Variants in TMEM255A observed in about 807,000 individuals in gnomAD.
TMEM255A encodes family with sequence similarity 70, member A.
A neutral mutation model predicts 23.5 loss-of-function variants in TMEM255A; 14 were observed. That is an observed-to-expected ratio of 0.60 (90% CI 0.39 to 0.93). The LOEUF is 0.93. TMEM255A is among the 40% of genes least tolerant of loss of function. The pLI, the probability that TMEM255A is intolerant of heterozygous loss-of-function variation, is 0.00. For missense variants in TMEM255A, 233 were observed against 261.7 expected (o/e 0.89, Z 0.76); for synonymous variants, 104 against 100.3 (o/e 1.04, Z -0.22).
At chrX:120,294,441 A>AG (rs2057940843) in intron 2 of TMEM255A, among the ~76,000 whole-genome samples, 1 of 111,074 alleles carries the variant, frequency 9.0e-6, no homozygotes, top group South Asian at 3.8e-4. Context: ...CTCAAAAAAA[A>AG]AAAAAAAAAG....
chrX:120,273,758 A>T (rs782011100), intron 7 of TMEM255A, among the ~76,000 whole-genome samples: 10 of 112,183 alleles, frequency 8.9e-5, no homozygotes, highest in African/African-American at 1.3e-4. Flanking sequence ...ATTTTTTTTG[A>T]GAAAGTGTTG....
intron 6 of TMEM255A, among the ~76,000 whole-genome samples, chrX:120,280,183 G>A (rs1214971096): frequency 9.4e-6 from 1 of 106,514 alleles, no homozygotes; most frequent in African/African-American, 3.4e-5. Flanking sequence ...TTGTAGAGAT[G>A]CGGTTCTGAC....
chrX:120,270,436 G>C (rs1412488149), intron 7 of TMEM255A, among the ~76,000 whole-genome samples: 1 of 109,067 alleles, frequency 9.2e-6, no homozygotes, highest in Non-Finnish European at 1.9e-5. Context: ...ACAGCAAATG[G>C]TGAAAGCAAT....
Position 120,276,972 on chromosome X carries a change from G to A in TMEM255A, c.588C>T (p.His196=). The change falls in exon 7 of 9, where the codon CAC becomes CAT. Residue 196 remains histidine (H), a synonymous_variant. Transcript: ENST00000371369. ...SSCQDIIHLY[H]LLWSATILNI... The stretch of plus-strand genomic sequence containing the variant: ...TGAGGATGGTGGCAGACCAGAGCAG[G>A]TGGTAGAGGTGGATGATATCTTGGC... The A allele has an allele frequency of 8.3e-7, 1 of 1,210,426 alleles. No homozygotes were observed. Among genetic ancestry groups the A allele is most frequent in the African/African-American group, 1.7e-5 (1 of 57,751 alleles).
chrX:120,282,037 C>T (rs1556021005), intron 6 of TMEM255A, among the ~76,000 whole-genome samples: 1 of 111,473 alleles, frequency 9.0e-6, no homozygotes, highest in African/African-American at 3.3e-5. Flanking sequence ...GCCTCCTTTC[C>T]AGGAAATGGA....
chrX:120,272,501 G>A (rs1556018975), intron 7 of TMEM255A, among the ~76,000 whole-genome samples: 2 of 111,209 alleles, frequency 1.8e-5, no homozygotes, highest in Non-Finnish European at 1.9e-5. Flanking sequence ...TGATTGAATC[G>A]TGGGGGTGGT....
At chrX:120,296,928 TTA>T (rs55858482) in intron 2 of TMEM255A, among the ~76,000 whole-genome samples, 1,323 of 2,203 alleles carry the variant, frequency 0.6, 477 homozygotes, top group Non-Finnish European at 0.68. Flanking sequence ...ATATATAATA[TTA>T]TATATATAAT....
intron 7 of TMEM255A, among the ~76,000 whole-genome samples, chrX:120,272,542 A>T (rs932068739): frequency 9.1e-6 from 1 of 110,241 alleles, no homozygotes; most frequent in East Asian, 2.9e-4. Context: ...ATGATAGTGA[A>T]TGAGTTCTCA....
intron 6 of TMEM255A, among the ~76,000 whole-genome samples, chrX:120,284,682 G>T (rs2057861244): frequency 9.0e-6 from 1 of 110,943 alleles, no homozygotes; most frequent in East Asian, 2.8e-4. Context: ...CTCCACAGGG[G>T]AAAGGACTTC....
rs782371521 is a variant in TMEM255A, at chrX:120,291,780, C to A, written c.265-440G>T. 9.2e-5 allele frequency among the ~76,000 whole-genome samples: 10 copies of A among 108,239 alleles called. No homozygotes were observed. In the East Asian group the frequency reaches 2.9e-3, roughly 31 times the overall value. 94.0% of individuals were successfully genotyped at this position (108,239 alleles called of 115,157 possible). A position where few individuals can be genotyped will look rare whatever the true frequency, so the allele number is the denominator to read the frequency against. On this transcript the variant is annotated intron_variant, in intron 3 of 8. Coordinates refer to ENST00000371369, the MANE Select transcript of TMEM255A (RefSeq NM_001104544.3). Reference sequence around the variant, plus strand: ...GGTCTCCATCTAGTCTGTGGAAAAGCCTGGTGCTCACCAACTCCTAATCCA... The same window carrying A: ...GGTCTCCATCTAGTCTGTGGAAAAGACTGGTGCTCACCAACTCCTAATCCA...
chrX:120,270,207 G>C (rs2057746995), intron 7 of TMEM255A, among the ~76,000 whole-genome samples: 1 of 111,160 alleles, frequency 9.0e-6, no homozygotes, highest in Admixed American at 9.5e-5. Flanking sequence ...CCAAAATAGT[G>C]GTCTGGTTAT....
intron 7 of TMEM255A, among the ~76,000 whole-genome samples, chrX:120,270,714 C>T (rs1411465483): frequency 2.7e-5 from 3 of 110,903 alleles, no homozygotes; most frequent in Non-Finnish European, 5.7e-5. Context: ...AATGGTGGTT[C>T]CTAGCTGATT....
intron 1 of TMEM255A, among the ~76,000 whole-genome samples, chrX:120,306,183 C>T (rs2058064097): frequency 9.0e-6 from 1 of 111,117 alleles, no homozygotes; most frequent in South Asian, 3.9e-4. Flanking sequence ...ACACCTGTAA[C>T]ATCGGGGCCC....
In TMEM255A at chrX:120,258,707, C is replaced by T. The variant is rs1202316180; in HGVS notation, c.*2163G>A. 3 of 112,385 alleles carry T rather than the reference C, an allele frequency of 2.7e-5. No homozygotes were observed. Among genetic ancestry groups the T allele is most frequent in the African/African-American group, 9.7e-5 (3 of 30,836 alleles). 9.3% of individuals were successfully genotyped at this position (112,385 alleles called of 1,213,427 possible). ...ACATCACAAAAGCAGTCTGAGTTTTCAACATGGCAGTGATACAGATTTTAA... is the reference window on the plus strand; with the variant it reads ...ACATCACAAAAGCAGTCTGAGTTTTTAACATGGCAGTGATACAGATTTTAA... On this transcript the variant is annotated 3_prime_UTR_variant, in exon 9 of 9. Transcript: ENST00000371369.
At chrX:120,254,525 A>G (rs781979146), downstream of TMEM255A, 1 of 1,210,303 alleles carries the variant, frequency 8.3e-7, no homozygotes, top group African/African-American at 1.7e-5. Context: ...TTGATGGATC[A>G]TTAATACAGA....
chrX:120,311,444 G>T lies in TMEM255A; in HGVS notation c.-135C>A. On this transcript the variant is annotated 5_prime_UTR_variant, in exon 1 of 9. Transcript: ENST00000371369. ...GAGCTGAGAGACACTGCCTCTGGTT[G>T]CGAGCTGCAGCCCAAGTGCCGCCTC... 1.9e-6 allele frequency: 1 copy of T among 519,943 alleles called. No individual in the cohort carries two copies. The allele number at this position is 519,943 out of a possible 1,213,427, so 42.8% of individuals were successfully genotyped here.
At chrX:120,265,194 A>G (rs1191851054) in intron 8 of TMEM255A, among the ~76,000 whole-genome samples, 1 of 112,350 alleles carries the variant, frequency 8.9e-6, no homozygotes, top group Non-Finnish European at 1.9e-5. Flanking sequence ...TGTGTAAAGA[A>G]TGGTATTTTC....
At chrX:120,267,678 C>T (rs182426535) in intron 8 of TMEM255A, among the ~76,000 whole-genome samples, 21 of 111,930 alleles carry the variant, frequency 1.9e-4, no homozygotes, top group Admixed American at 6.6e-4. Context: ...TTCTGACTTA[C>T]GTGATAACAG....
At chrX:120,255,326 A>G, downstream of TMEM255A, 1 of 1,211,611 alleles carries the variant, frequency 8.3e-7, no homozygotes, top group Non-Finnish European at 1.1e-6. Flanking sequence ...AGAACAAGCC[A>G]ATGACCTGGG....
Sources: gnomAD v4.1 joint callset for allele counts (sites outside exome capture counted in the v4.1 genomes callset) on GRCh38, gnomAD v4.1.1 for gene constraint, MANE v1.5 for transcripts, NCBI Gene and HGNC (gene_info 2026-07-23, HGNC 2026-07-21) for gene names.